MEGF11: variants seen among roughly 807,000 people sequenced by gnomAD.
MEGF11 encodes multiple EGF like domains 11.
Under a neutral mutation model 146.6 loss-of-function variants are expected in MEGF11, and 126 were observed. The ratio of observed to expected loss-of-function variants is 0.86; its 90% confidence interval spans 0.74 to 1.00. The LOEUF is 1.00. Ranked by LOEUF, MEGF11 falls within the 50% of genes least tolerant of loss-of-function variation. The pLI is 0.00. For missense variants in MEGF11, 1,509 were observed against 1,521.2 expected, an observed-to-expected ratio of 0.99 and a Z score of 0.13; for synonymous variants, 532 against 583.4, an observed-to-expected ratio of 0.91 and a Z score of 1.27.
At chr15:66,183,161 A>C (rs916423841) in intron 1 of MEGF11, among the ~76,000 whole-genome samples, 1 of 152,210 alleles carries the variant, frequency 6.6e-6, no homozygotes. Flanking sequence ...TATTCCAAAC[A>C]CTTCAGAGTG....
At chr15:66,107,808 G>C (rs1255374068) in intron 4 of MEGF11, among the ~76,000 whole-genome samples, 3 of 152,162 alleles carry the variant, frequency 2.0e-5, no homozygotes, top group African/African-American at 7.2e-5. Flanking sequence ...ACTCATCCTT[G>C]TCATCAACCA....
intron 10 of MEGF11, among the ~76,000 whole-genome samples, chr15:65,943,319 A>G (rs1395335165): frequency 2.0e-5 from 3 of 152,062 alleles, no homozygotes; most frequent in African/African-American, 7.2e-5. Flanking sequence ...TTGCCTCTAA[A>G]CTTCTGGGAA....
intron 4 of MEGF11, among the ~76,000 whole-genome samples, chr15:66,116,291 C>T (rs953843343): frequency 2.0e-5 from 3 of 152,082 alleles, no homozygotes; most frequent in Non-Finnish European, 4.4e-5. Flanking sequence ...GTTAGTCCCG[C>T]CTTCCCGTCA....
At chr15:65,917,001 GGGCAGACGGAGAGGGAGAAGAAGGGGGA>G in intron 16 of MEGF11, 45 bp from the exon 17 acceptor site, 1 of 1,445,802 alleles carries the variant, frequency 6.9e-7, no homozygotes, top group Non-Finnish European at 9.1e-7. Flanking sequence ...AGGCAGAGAG[GGGCAGACGGAGAGGGAGAAGAAGGGGGA>G]GTACATGTCA....
rs1425895126 is a variant in MEGF11 at position 65,957,627 on chromosome 15, A to T, written c.1207T>A (p.Cys403Ser). Residue 403 changes from cysteine to serine, a missense_variant, in exon 10 of 26, where the codon TGC becomes AGC. By Grantham distance (112) the Cys-to-Ser change is moderately radical. Coordinates refer to ENST00000395614, the MANE Select transcript of MEGF11 (RefSeq NM_001385028.1). ...TTCTGACAGGTGCAAGGCAGCTGGC[A>T]GCCATCGCCATAGTAGCCAACAGGG... The part of the protein sequence containing the change: ...SCPVGYYGDG[C>S]QLPCTCQNGA... 6.2e-7 allele frequency: 1 copy of T among 1,613,974 alleles called. No individual in the cohort carries two copies. Among genetic ancestry groups the T allele is most frequent in the South Asian group, 1.1e-5 (1 of 91,086 alleles).
At chr15:66,182,677 A>G (rs562806088) in intron 1 of MEGF11, among the ~76,000 whole-genome samples, 4 of 152,348 alleles carry the variant, frequency 2.6e-5, no homozygotes, top group Admixed American at 2.6e-4. Flanking sequence ...CCCTGGTGTC[A>G]GCTACAAACT....
chr15:66,176,804 G>A (rs2141134372), intron 1 of MEGF11, among the ~76,000 whole-genome samples: 1 of 152,320 alleles, frequency 6.6e-6, no homozygotes, highest in African/African-American at 2.4e-5. Context: ...GATGACCACA[G>A]GATAGGGGTT....
intron 24 of MEGF11, among the ~76,000 whole-genome samples, chr15:65,904,252 T>C (rs886977746): frequency 6.6e-6 from 1 of 152,188 alleles, no homozygotes; most frequent in Non-Finnish European, 1.5e-5. Flanking sequence ...TTCTGCCCAA[T>C]CCTTATACCT....
chr15:65,905,228 A>G (rs984358136), intron 24 of MEGF11: 3 of 152,240 alleles, frequency 2.0e-5, no homozygotes, highest in African/African-American at 7.2e-5. Context: ...AGACAAAAGA[A>G]TAGCCCCATT....
At chr15:65,977,206 G>C (rs1270536482) in intron 7 of MEGF11, among the ~76,000 whole-genome samples, 1 of 146,926 alleles carries the variant, frequency 6.8e-6, no homozygotes. Flanking sequence ...AACATAAAAA[G>C]AGAAGGGGCC....
intron 5 of MEGF11, among the ~76,000 whole-genome samples, chr15:66,037,110 C>T (rs1158629826): frequency 3.3e-5 from 5 of 152,218 alleles, no homozygotes; most frequent in Admixed American, 3.3e-4. Context: ...CAAGTGGCAG[C>T]TCCGAGTGCT....
chr15:65,915,605 G>C lies in MEGF11; in HGVS notation c.2345-7C>G, dbSNP rs767672933. On this transcript the variant is annotated splice_polypyrimidine_tract_variant and splice_region_variant and intron_variant, in intron 18 of 25. Coordinates refer to ENST00000395614, the MANE Select transcript of MEGF11 (RefSeq NM_001385028.1). ...AAGGTTCCTGGGGCACATCCTGTGT[G>C]GCACAAAGAGTTAGGGTAGAGGACC... 2 of 1,613,522 alleles carry C rather than the reference G, an allele frequency of 1.2e-6. No homozygotes were observed. The highest frequency in any genetic ancestry group is 3.3e-5 in the Admixed American group (2 of 59,980).
At chr15:66,160,664 GACACACACACACACACAC>G (rs3221608) in intron 1 of MEGF11, among the ~76,000 whole-genome samples, 2 of 137,540 alleles carry the variant, frequency 1.5e-5, no homozygotes, top group African/African-American at 5.7e-5. Context: ...GCCCTAAGGG[GACACACACACACACACAC>G]ACACACACAC....
intron 12 of MEGF11, among the ~76,000 whole-genome samples, chr15:65,929,196 TATC>T (rs1388150606): frequency 6.6e-6 from 1 of 152,184 alleles, no homozygotes; most frequent in Non-Finnish European, 1.5e-5. Flanking sequence ...CATCCAGCAA[TATC>T]ATATCAGTGG....
At chr15:66,156,557 G>C (rs1007767972) in intron 1 of MEGF11, among the ~76,000 whole-genome samples, 7 of 152,066 alleles carry the variant, frequency 4.6e-5, no homozygotes, top group African/African-American at 1.7e-4. Flanking sequence ...GGCAGAGCCC[G>C]GCCCCCGAGA....
At chr15:66,231,658 C>T (rs1023247937) in intron 1 of MEGF11, among the ~76,000 whole-genome samples, 27 of 152,316 alleles carry the variant, frequency 1.8e-4, no homozygotes, top group African/African-American at 6.0e-4. Context: ...ATCCCTGGAC[C>T]CTTTTGTGCT....
intron 1 of MEGF11, among the ~76,000 whole-genome samples, chr15:66,195,531 G>T (rs1048553070): frequency 6.6e-6 from 1 of 152,214 alleles, no homozygotes; most frequent in African/African-American, 2.4e-5. Flanking sequence ...CAAGAGAGAG[G>T]TTCAGGAGGA....
At chr15:66,045,374 A>G (rs1009739908) in intron 5 of MEGF11, among the ~76,000 whole-genome samples, 1 of 151,988 alleles carries the variant, frequency 6.6e-6, no homozygotes, top group East Asian at 1.9e-4. Flanking sequence ...GAGGGGAGGG[A>G]TGGGGAGTCT....
chr15:65,990,810 T>C (rs2082023506), intron 5 of MEGF11, among the ~76,000 whole-genome samples: 1 of 152,196 alleles, frequency 6.6e-6, no homozygotes, highest in Admixed American at 6.5e-5. Context: ...TGTGATTCTC[T>C]GCCCTGTTGC....
Sources: gnomAD v4.1 joint callset for allele counts (sites outside exome capture counted in the v4.1 genomes callset) on GRCh38, gnomAD v4.1.1 for gene constraint, MANE v1.5 for transcripts, NCBI Gene and HGNC (gene_info 2026-07-23, HGNC 2026-07-21) for gene names.